The following ADCY8 variants were observed in gnomAD, a reference collection of about 807,000 sequenced individuals.
The protein encoded by ADCY8 is adenylate cyclase 8.
Under a neutral mutation model 119.7 loss-of-function variants are expected in ADCY8, and 51 were observed. That is an observed-to-expected ratio of 0.43 (90% confidence interval 0.34 to 0.54). ADCY8 has a LOEUF of 0.54. ADCY8 is among the 20% of genes least tolerant of loss of function. The pLI, the probability that ADCY8 is intolerant of heterozygous loss-of-function variation, is 0.03. For missense variants in ADCY8, 1,383 were observed against 1,598.8 expected, an observed-to-expected ratio of 0.87 and a Z score of 2.30; for synonymous variants, 665 against 651.0, an observed-to-expected ratio of 1.02 and a Z score of -0.33.
At chr8:130,933,485 C>T (rs1029719184) in intron 5 of ADCY8, among the ~76,000 whole-genome samples, 1 of 152,170 alleles carries the variant, frequency 6.6e-6, no homozygotes, top group Non-Finnish European at 1.5e-5. Context: ...AAGTCTGAGC[C>T]AATTGCAACC....
intron 9 of ADCY8, among the ~76,000 whole-genome samples, chr8:130,865,816 A>G (rs1406234257): frequency 6.6e-6 from 1 of 152,088 alleles, no homozygotes. Flanking sequence ...AGTTCCTTTC[A>G]GGCCTTTATC....
intron 15 of ADCY8, among the ~76,000 whole-genome samples, chr8:130,796,050 C>T (rs1815570078): frequency 6.6e-6 from 1 of 152,164 alleles, no homozygotes; most frequent in Non-Finnish European, 1.5e-5. Flanking sequence ...CAATTACTCA[C>T]CTCCCTCCCT....
Position 131,039,861 on chromosome 8 carries a change from C to A in ADCY8, c.473G>T (p.Arg158Leu). The change falls in exon 1 of 18, where the codon CGC becomes CTC. Residue 158 changes from arginine (R) to leucine (L), a missense_variant. Physicochemically the swap from Arg to Leu is moderately radical, Grantham distance 102 (BLOSUM62 -2). Transcript: ENST00000286355. ...SYRGVIFPTLRNSFKSRDLER... is the reference protein window; with the variant it reads ...SYRGVIFPTLLNSFKSRDLER... ...CAAATCCCGAGATTTGAAGGAGTTGCGCAGGGTGGGGAAAATGACCCCTCG... is the reference window on the plus strand; with the variant it reads ...CAAATCCCGAGATTTGAAGGAGTTGAGCAGGGTGGGGAAAATGACCCCTCG... The A allele has an allele frequency of 6.2e-7, 1 of 1,614,104 alleles. No homozygotes were observed. Among genetic ancestry groups the A allele is most frequent in the Non-Finnish European group, 8.5e-7 (1 of 1,180,000 alleles).
intron 2 of ADCY8, among the ~76,000 whole-genome samples, chr8:130,979,236 G>C (rs1457920523): frequency 6.6e-6 from 1 of 152,156 alleles, no homozygotes; most frequent in Non-Finnish European, 1.5e-5. Context: ...CTGTGGGTGG[G>C]AGCCTTCATT....
At chr8:131,001,320 A>G (rs899589197) in intron 1 of ADCY8, among the ~76,000 whole-genome samples, 2 of 151,948 alleles carry the variant, frequency 1.3e-5, no homozygotes, top group Non-Finnish European at 2.9e-5. Context: ...GTGGGTGGGG[A>G]AGCTTCCTAC....
intron 12 of ADCY8, among the ~76,000 whole-genome samples, chr8:130,826,577 C>T (rs557765375): frequency 1.3e-5 from 2 of 152,222 alleles, no homozygotes; most frequent in South Asian, 4.2e-4. Context: ...TTTTATGTCT[C>T]ATCTGGTAGT....
chr8:130,849,546 C>T, intron 10 of ADCY8, 56 bp downstream of exon 10: 1 of 1,584,746 alleles, frequency 6.3e-7, no homozygotes, highest in Non-Finnish European at 8.7e-7. Context: ...GCTCCATAAA[C>T]TTCATGCTCA....
chr8:130,963,691 G>A (rs1361107345), intron 2 of ADCY8, among the ~76,000 whole-genome samples: 1 of 152,086 alleles, frequency 6.6e-6, no homozygotes, highest in East Asian at 1.9e-4. Flanking sequence ...CAGTAAGTCA[G>A]GAGCAGGCCC....
At chr8:130,800,297 G>A (rs1165789568) in intron 15 of ADCY8, 129 bp downstream of exon 15, 1 of 1,006,246 alleles carries the variant, frequency 9.9e-7, no homozygotes, top group African/African-American at 1.7e-5. Flanking sequence ...ATACATGTTT[G>A]TGTTTATAAT....
chr8:130,929,041 A>G (rs11993202), intron 5 of ADCY8, among the ~76,000 whole-genome samples: 2,471 of 152,138 alleles, frequency 0.016, 50 homozygotes, highest in African/African-American at 0.056. Flanking sequence ...AAATGAATTT[A>G]TTCATTTTAT....
chr8:130,873,090 G>A (rs762367345), intron 8 of ADCY8, among the ~76,000 whole-genome samples: 15 of 152,176 alleles, frequency 9.9e-5, no homozygotes, highest in Admixed American at 2.6e-4. Context: ...AGGGAAGTTC[G>A]TTTACAGAGG....
At chr8:130,937,457 G>A (rs986769246) in intron 4 of ADCY8, among the ~76,000 whole-genome samples, 7 of 152,324 alleles carry the variant, frequency 4.6e-5, no homozygotes, top group Admixed American at 4.6e-4. Flanking sequence ...TTATATCCAA[G>A]CTTTGCTATA....
intron 5 of ADCY8, among the ~76,000 whole-genome samples, chr8:130,929,299 A>T (rs906594242): frequency 6.6e-6 from 1 of 152,112 alleles, no homozygotes; most frequent in East Asian, 1.9e-4. Context: ...AACTTCCCTT[A>T]TATAACTGCC....
At chr8:130,911,600 TAAAATTTTAA>T (rs1819982170) in intron 5 of ADCY8, among the ~76,000 whole-genome samples, 1 of 94,238 alleles carries the variant, frequency 1.1e-5, no homozygotes, top group South Asian at 2.9e-4. Context: ...GTAATTAATT[TAAAATTTTAA>T]ATTTTAAATT....
At chr8:130,826,707 T>C (rs1816677934) in intron 12 of ADCY8, among the ~76,000 whole-genome samples, 1 of 151,668 alleles carries the variant, frequency 6.6e-6, no homozygotes, top group African/African-American at 2.4e-5. Context: ...CTACACATGC[T>C]GTTAGCCTCC....
At chr8:130,788,229 G>A (rs1815319199) in intron 15 of ADCY8, among the ~76,000 whole-genome samples, 1 of 152,160 alleles carries the variant, frequency 6.6e-6, no homozygotes, top group South Asian at 2.1e-4. Context: ...ACACCCAGTA[G>A]TGGGATTGCT....
intron 9 of ADCY8, among the ~76,000 whole-genome samples, chr8:130,851,281 T>C (rs1463240109): frequency 1.3e-5 from 2 of 152,204 alleles, no homozygotes; most frequent in Non-Finnish European, 2.9e-5. Context: ...TATTATATAA[T>C]ATTCCGGGAT....
intron 15 of ADCY8, among the ~76,000 whole-genome samples, chr8:130,792,937 C>G (rs771108244): frequency 2.9e-4 from 44 of 152,288 alleles, no homozygotes; most frequent in Non-Finnish European, 5.7e-4. Flanking sequence ...ACTGACCCTG[C>G]CACGCTGGTT....
rs1463702551 is a variant in ADCY8, at chr8:130,981,786, C to T, written c.1110+8607G>A. ...AACTGTTGTTACTAGAATCAGAATA[C>T]CTTCTACTTTGAAACTTAGGATATG... On this transcript the variant is annotated intron_variant, in intron 2 of 17. Transcript: ENST00000286355. Among the ~76,000 whole-genome samples, 3 of 152,158 alleles carry T rather than the reference C, an allele frequency of 2.0e-5. No homozygotes were observed. In the East Asian group the frequency reaches 5.8e-4, roughly 29 times the overall value.
Sources: gnomAD v4.1 joint callset for allele counts (sites outside exome capture counted in the v4.1 genomes callset) on GRCh38, gnomAD v4.1.1 for gene constraint, MANE v1.5 for transcripts, NCBI Gene and HGNC (gene_info 2026-07-23, HGNC 2026-07-21) for gene names.